The following TOP2A variants were observed in gnomAD, a reference collection of about 807,000 sequenced individuals.
TOP2A encodes DNA topoisomerase II alpha.
TOP2A carries 68 observed loss-of-function variants against 187.2 expected under a neutral mutation model. The ratio of observed to expected loss-of-function variants is 0.36; its 90% CI spans 0.30 to 0.44. The LOEUF is 0.44. TOP2A is among the 20% of genes least tolerant of loss of function. The probability of loss-of-function intolerance (pLI) is 1.00; values close to 1 mark genes in which losing one functional copy is unlikely to be tolerated. For synonymous variants in TOP2A, 542 were observed against 593.2 expected (o/e 0.91, Z 1.25); for missense variants, 1,196 against 1,808.7 (o/e 0.66, Z 6.14).
intron 27 of TOP2A, among the ~76,000 whole-genome samples, chr17:40,397,743 A>T (rs1348849849): frequency 6.6e-6 from 1 of 150,880 alleles, no homozygotes; most frequent in Non-Finnish European, 1.5e-5. Context: ...ATGTCTGGGC[A>T]GTCTCCTGGT....
chr17:40,399,169 G>A (rs1033195164), intron 24 of TOP2A, 38 bp from the exon 25 acceptor site: 1 of 1,409,766 alleles, frequency 7.1e-7, no homozygotes, highest in African/African-American at 1.4e-5. Context: ...ATGATTTTGA[G>A]TAATATTTTA....
intron 19 of TOP2A, among the ~76,000 whole-genome samples, chr17:40,403,418 T>C (rs1416543050): frequency 6.6e-6 from 1 of 152,192 alleles, no homozygotes; most frequent in Admixed American, 6.5e-5. Flanking sequence ...TTATTATATC[T>C]TGGGGATAAG....
In TOP2A at chr17:40,401,450, C is replaced by T. The variant is rs568532512; in HGVS notation, c.2433-369G>A. Among the ~76,000 whole-genome samples the T allele has an allele frequency of 2.6e-5, 4 of 152,296 alleles. No homozygotes were observed. The East Asian group carries it at 7.7e-4, about 29-fold the overall frequency. ...GGGCGCCAGGTGCAGTAACTCGCGC[C>T]TGTAATCCCAGCACTTTGGGAGGCT... On this transcript the variant is annotated intron_variant, in intron 20 of 34. Transcript: ENST00000423485.
chr17:40,408,886 T>C (rs146759076), intron 10 of TOP2A: 300 of 585,044 alleles, frequency 5.1e-4, no homozygotes, highest in African/African-American at 5.1e-3. Context: ...AGCTACTTGT[T>C]GGAGATATAG....
intron 10 of TOP2A, chr17:40,409,523 C>T (rs1385086933): frequency 1.4e-5 from 6 of 434,600 alleles, no homozygotes; most frequent in Non-Finnish European, 2.7e-5. Flanking sequence ...CTTTAGGAGG[C>T]CGAGGATGGT....
chr17:40,395,604 A>T (rs2143633241), intron 28 of TOP2A, 65 bp from the exon 29 acceptor site: 1 of 1,278,630 alleles, frequency 7.8e-7, no homozygotes, highest in Admixed American at 2.2e-5. Flanking sequence ...TAGAGATTTT[A>T]TACATTTTTG....
rs771346220 is a variant in TOP2A, at chr17:40,390,149, G to A, written c.4283C>T (p.Ser1428Phe). 6.2e-7 allele frequency: 1 copy of A among 1,612,368 alleles called. No homozygotes were observed. Among genetic ancestry groups the A allele is most frequent in the Non-Finnish European group, 8.5e-7 (1 of 1,179,330 alleles). The part of the protein sequence containing the change: ...KTAAKSQSST[S>F]TTGAKKRAAP... ...AGCCCTTTTTTTGGCACCGGTAGTG[G>A]AGGTGGAAGACTGACCTGCAATTCA... The change falls in exon 34 of 35, where the codon TCC (serine) becomes TTC (phenylalanine). Residue 1428 changes from serine (S) to phenylalanine (F), a missense_variant. Ser to Phe is a radical substitution (Grantham distance 155). This residue lies in a region of TOP2A where 374 missense variants were observed against 403.3 expected (regional missense o/e 0.93). Coordinates refer to ENST00000423485, the MANE Select transcript of TOP2A (RefSeq NM_001067.4).
Position 40,411,017 on chromosome 17 carries a change from C to T in TOP2A, c.1203+92G>A, listed in dbSNP as rs2035313974. On this transcript the variant is annotated intron_variant, in intron 10 of 34. Coordinates refer to ENST00000423485, the MANE Select transcript of TOP2A (RefSeq NM_001067.4). The surrounding 1 kb of genome is among the most constrained non-coding windows in gnomAD (Gnocchi z 4.4). ...GATTGGGAAGACTTGGAGAAGCTCACTATGAGAAGAATCATTGTTTCTGCA... is the reference window on the plus strand; with the variant it reads ...GATTGGGAAGACTTGGAGAAGCTCATTATGAGAAGAATCATTGTTTCTGCA... 7.6e-7 allele frequency: 1 copy of T among 1,311,314 alleles called. No homozygotes were observed. The highest frequency in any genetic ancestry group is 1.6e-5 in the South Asian group (1 of 64,164). The allele number at this position is 1,311,314 out of a possible 1,614,324, so 81.2% of individuals were successfully genotyped here. A position where few individuals can be genotyped will look rare whatever the true frequency, so the allele number is the denominator to read the frequency against.
intron 33 of TOP2A, among the ~76,000 whole-genome samples, chr17:40,391,070 T>C (rs1484670102): frequency 1.3e-5 from 2 of 151,822 alleles, no homozygotes; most frequent in African/African-American, 4.8e-5. Context: ...ACCTTATTTT[T>C]GGAGACAGGG....
intron 3 of TOP2A, 66 bp from the exon 4 acceptor site, chr17:40,416,134 G>A (rs2035387546): frequency 4.8e-6 from 6 of 1,260,990 alleles, no homozygotes; most frequent in Non-Finnish European, 6.7e-6. Context: ...GTAACTCTAA[G>A]TAAGATATAG....
rs2035270181 is a variant in TOP2A at position 40,408,067 on chromosome 17, G to C, written c.1400C>G (p.Thr467Ser). ...LILTEGDSAK[T>S]LAVSGLGVVG... ...CACACCAAGGCCTGAAACAGCCAAA[G>C]TTTTGGCTGAATCTCCCTCAGTCAG... The change falls in exon 12 of 35, where the codon ACT becomes AGT. Residue 467 changes from threonine (T) to serine (S), a missense_variant. Thr to Ser is a moderately conservative substitution (Grantham distance 58). This residue lies in a region of TOP2A where 252 missense variants were observed against 434.8 expected (regional missense o/e 0.58). Transcript: ENST00000423485. The C allele has an allele frequency of 6.2e-7, 1 of 1,613,374 alleles. No individual in the cohort carries two copies. Among genetic ancestry groups the C allele is most frequent in the Admixed American group, 1.7e-5 (1 of 59,992 alleles).
rs111733098 is a variant in TOP2A at position 40,389,620 on chromosome 17, G to A, written c.4495C>T (p.His1499Tyr). ...KKSKGESDDF[H>Y]MDFDSAVAPR... The stretch of plus-strand genomic sequence containing the variant: ...GCCACAGCTGAGTCAAAGTCCATAT[G>A]GAAGTCATCACTCTCCCCCTTGGAT... Residue 1499 changes from histidine (H) to tyrosine (Y), a missense_variant, in exon 35 of 35, where the codon CAT becomes TAT. Around this residue, in one of 10 missense-constraint regions of TOP2A, gnomAD observed 374 missense variants for 403.3 expected, o/e 0.93. Transcript: ENST00000423485. The A allele has an allele frequency of 3.7e-6, 6 of 1,609,804 alleles. No individual in the cohort carries two copies. The highest frequency in any genetic ancestry group is 1.7e-5 in the Admixed American group (1 of 59,498).
intron 29 of TOP2A, among the ~76,000 whole-genome samples, chr17:40,394,136 T>G (rs1053529948): frequency 1.3e-5 from 2 of 151,634 alleles, no homozygotes; most frequent in Non-Finnish European, 2.9e-5. Context: ...TGAAAATGTG[T>G]TAAGTAAAGA....
Position 40,389,473 on chromosome 17 carries a change from G to A in TOP2A, c.*46C>T, listed in dbSNP as rs184329132. On this transcript the variant is annotated 3_prime_UTR_variant, in exon 35 of 35. Transcript: ENST00000423485. ...AGAGCTTCAGGTAACTTTAAAACCA[G>A]TCTTGGGCTTGGTAAGATAATTACT... is the stretch of plus-strand genomic sequence containing the variant. 1.2e-4 allele frequency: 194 copies of A among 1,554,114 alleles called. No homozygotes were observed. Among genetic ancestry groups the A allele is most frequent in the Non-Finnish European group, 1.6e-4 (182 of 1,147,682 alleles).
Position 40,411,197 on chromosome 17 carries a change from G to T in TOP2A, c.1115C>A (p.Thr372Asn), listed in dbSNP as rs1245723991. The T allele has an allele frequency of 1.2e-6, 2 of 1,613,582 alleles. No individual in the cohort carries two copies. The highest frequency in any genetic ancestry group is 1.7e-6 in the Non-Finnish European group (2 of 1,179,760). ...IFVNALIENP[T>N]FDSQTKENMT... ...GTTTTCTTTTGTCTGAGAGTCAAAGGTTGGGTTTTCAATTAAGGCATTTAC... is the reference window on the plus strand; with the variant it reads ...GTTTTCTTTTGTCTGAGAGTCAAAGTTTGGGTTTTCAATTAAGGCATTTAC... Residue 372 changes from threonine to asparagine, a missense_variant, in exon 10 of 35, where the codon ACC becomes AAC. By Grantham distance (65) the Thr-to-Asn change is moderately conservative. This residue lies in a region of TOP2A where 252 missense variants were observed against 434.8 expected (regional missense o/e 0.58). Coordinates refer to ENST00000423485, the MANE Select transcript of TOP2A (RefSeq NM_001067.4). This position sits in a 1 kb window ranked among gnomAD's most constrained non-coding sequence, Gnocchi z 4.4.
chr17:40,407,234 A>C (rs1035543504), intron 13 of TOP2A, among the ~76,000 whole-genome samples: 1 of 152,232 alleles, frequency 6.6e-6, no homozygotes, highest in Admixed American at 6.5e-5. Flanking sequence ...ATTGCACTCC[A>C]GCCTGGGCGA....
chr17:40,393,508 A>G (rs1380994278), intron 29 of TOP2A, among the ~76,000 whole-genome samples: 1 of 152,180 alleles, frequency 6.6e-6, no homozygotes, highest in African/African-American at 2.4e-5. Flanking sequence ...TCTCAAAAAA[A>G]GTAGATACTC....
intron 6 of TOP2A, 21 bp from the exon 7 acceptor site, chr17:40,412,992 A>T: frequency 6.3e-7 from 1 of 1,581,842 alleles, no homozygotes; most frequent in Non-Finnish European, 8.6e-7. Context: ...AAAGAATAGG[A>T]AACATGAAAA....
chr17:40,392,802 A>G, intron 29 of TOP2A, 65 bp from the exon 30 acceptor site: 1 of 1,295,494 alleles, frequency 7.7e-7, no homozygotes, highest in Non-Finnish European at 1.1e-6. Context: ...TCTATCATCC[A>G]TCCATCCTTC....
Sources: gnomAD v4.1 joint callset for allele counts (sites outside exome capture counted in the v4.1 genomes callset) on GRCh38, gnomAD v4.1.1 for gene constraint, gnomAD v4.1.1 regional missense constraint, Gnocchi (gnomAD v3.1) non-coding constraint, MANE v1.5 for transcripts, NCBI Gene and HGNC (gene_info 2026-07-23, HGNC 2026-07-21) for gene names.